ATP11B: variants seen among roughly 807,000 people sequenced by gnomAD.
The protein encoded by ATP11B is ATPase phospholipid transporting 11B (putative).
A neutral mutation model predicts 157.8 loss-of-function variants in ATP11B; 81 were observed. The ratio of observed to expected loss-of-function variants is 0.51; its 90% CI spans 0.43 to 0.62. ATP11B has a LOEUF of 0.62. ATP11B is among the 20% of genes least tolerant of loss of function. The pLI, the probability that ATP11B is intolerant of heterozygous loss-of-function variation, is 0.00. For missense variants in ATP11B, 1,165 were observed against 1,402.2 expected (o/e 0.83, Z 2.70); for synonymous variants, 451 against 469.4 (o/e 0.96, Z 0.51).
intron 7 of ATP11B, 98 bp from the exon 8 acceptor site, chr3:182,841,977 C>CAAAAAAA (rs11401208): frequency 5.8e-5 from 21 of 362,580 alleles, no homozygotes; most frequent in Admixed American, 2.2e-4. Flanking sequence ...AGACTCGTCT[C>CAAAAAAA]AAAAAAAAAA....
Position 182,848,572 on chromosome 3 carries a change from T to G in ATP11B, c.851+15T>G. On this transcript the variant is annotated intron_variant, in intron 10 of 29. Coordinates refer to ENST00000323116, the MANE Select transcript of ATP11B (RefSeq NM_014616.3). ...GCAGTAGAAAAGTAAGAAAACTGTT[T>G]TCATTTATTTATATGTAATTATAAC... 6.9e-7 allele frequency: 1 copy of G among 1,459,082 alleles called. No homozygotes were observed. The highest frequency in any genetic ancestry group is 9.3e-7 in the Non-Finnish European group (1 of 1,080,746). 90.4% of individuals were successfully genotyped at this position (1,459,082 alleles called of 1,614,324 possible). A position where few individuals can be genotyped will look rare whatever the true frequency, so the allele number is the denominator to read the frequency against.
rs752074928 is a variant in ATP11B at position 182,879,526 on chromosome 3, G to A, written c.2283G>A (p.Gly761=). 6.2e-6 allele frequency: 10 copies of A among 1,611,518 alleles called. No homozygotes were observed. In the East Asian group the frequency reaches 1.6e-4, roughly 25 times the overall value. The change falls in exon 20 of 30, where the codon GGG becomes GGA. Residue 761 remains glycine, a synonymous_variant. Coordinates refer to ENST00000323116, the MANE Select transcript of ATP11B (RefSeq NM_014616.3). ...CAGAGGATCATGTGATTCAGCATGGGCTGGTAGTGGATGGGACCAGCCTAT... is the reference window on the plus strand; with the variant it reads ...CAGAGGATCATGTGATTCAGCATGGACTGGTAGTGGATGGGACCAGCCTAT... ...RITEDHVIQH[G]LVVDGTSLSL...
intron 4 of ATP11B, chr3:182,829,971 C>T (rs1235504836): frequency 2.0e-6 from 2 of 984,202 alleles, no homozygotes; most frequent in Non-Finnish European, 2.4e-6. Context: ...TATGTAGTTC[C>T]CTTGACAGAG....
chr3:182,804,707 A>G (rs558737225), intron 1 of ATP11B, among the ~76,000 whole-genome samples: 147 of 152,284 alleles, frequency 9.7e-4, no homozygotes, highest in African/African-American at 3.4e-3. Context: ...GGTTAGTGTA[A>G]CCATCACCAC....
intron 25 of ATP11B, among the ~76,000 whole-genome samples, chr3:182,890,351 A>G (rs911817071): frequency 6.6e-6 from 1 of 152,224 alleles, no homozygotes; most frequent in Admixed American, 6.5e-5. Flanking sequence ...AGATACAGAC[A>G]TACAAATTTG....
At chr3:182,822,789 G>A (rs998302804) in intron 2 of ATP11B, among the ~76,000 whole-genome samples, 1 of 152,126 alleles carries the variant, frequency 6.6e-6, no homozygotes, top group Non-Finnish European at 1.5e-5. Context: ...GTTGTTTCCT[G>A]ACTTTTTAAT....
intron 29 of ATP11B, chr3:182,915,193 T>A: frequency 1.0e-6 from 1 of 985,446 alleles, no homozygotes; most frequent in East Asian, 1.1e-4. Context: ...ACTTTAGCTT[T>A]AGCTTAGCCA....
intron 17 of ATP11B, among the ~76,000 whole-genome samples, chr3:182,871,396 T>G (rs1401051294): frequency 6.6e-6 from 1 of 152,234 alleles, no homozygotes; most frequent in African/African-American, 2.4e-5. Context: ...ATATCAACTT[T>G]CAGAGATGAA....
intron 28 of ATP11B, among the ~76,000 whole-genome samples, chr3:182,907,067 T>G (rs1250618180): frequency 2.7e-5 from 4 of 149,186 alleles, no homozygotes; most frequent in African/African-American, 9.9e-5. Context: ...CACTCCAGCC[T>G]GAGCGACAGA....
chr3:182,860,020 C>G (rs1720715398), intron 12 of ATP11B, among the ~76,000 whole-genome samples: 1 of 149,328 alleles, frequency 6.7e-6, no homozygotes, highest in Non-Finnish European at 1.5e-5. Flanking sequence ...ATTCTTTACT[C>G]TTTCTGGGCT....
intron 28 of ATP11B, among the ~76,000 whole-genome samples, chr3:182,913,073 C>A (rs1266325471): frequency 6.6e-6 from 1 of 151,984 alleles, no homozygotes; most frequent in African/African-American, 2.4e-5. Context: ...GCTATTTATG[C>A]CTGAATCAAC....
At chr3:182,826,931 C>T (rs2108503397) in intron 2 of ATP11B, among the ~76,000 whole-genome samples, 1 of 152,258 alleles carries the variant, frequency 6.6e-6, no homozygotes, top group Admixed American at 6.5e-5. Context: ...CTTTGGAAAT[C>T]TTGAATTGGT....
chr3:182,806,583 C>G (rs1312544943), intron 1 of ATP11B, among the ~76,000 whole-genome samples: 1 of 152,080 alleles, frequency 6.6e-6, no homozygotes, highest in African/African-American at 2.4e-5. Context: ...TTTCTAGCTT[C>G]TAGTCCACCA....
chr3:182,811,603 C>T (rs187035726), intron 1 of ATP11B, among the ~76,000 whole-genome samples: 3 of 152,194 alleles, frequency 2.0e-5, no homozygotes, highest in Non-Finnish European at 1.5e-5. Context: ...TATAATAGAA[C>T]TAGTACATAC....
chr3:182,904,516 G>A (rs1375522775), intron 28 of ATP11B, among the ~76,000 whole-genome samples: 3 of 152,118 alleles, frequency 2.0e-5, no homozygotes, highest in Non-Finnish European at 4.4e-5. Flanking sequence ...AACTATTTAC[G>A]CCTGTGACAG....
chr3:182,892,060 C>T (rs1723210804), intron 25 of ATP11B, among the ~76,000 whole-genome samples: 1 of 152,164 alleles, frequency 6.6e-6, no homozygotes, highest in Non-Finnish European at 1.5e-5. Flanking sequence ...CCTACTCAAT[C>T]CCACCCGGTC....
intron 1 of ATP11B, among the ~76,000 whole-genome samples, chr3:182,815,383 A>G (rs181999262): frequency 3.9e-5 from 6 of 152,308 alleles, no homozygotes; most frequent in African/African-American, 1.4e-4. Context: ...CTGAATAGGT[A>G]TAATTTATTG....
chr3:182,884,935 G>A lies in ATP11B; in HGVS notation c.2655+37G>A, dbSNP rs938810399. On this transcript the variant is annotated intron_variant, in intron 22 of 29. Coordinates refer to ENST00000323116, the MANE Select transcript of ATP11B (RefSeq NM_014616.3). Reference sequence around the variant, plus strand: ...GTATTTAGAATCAATTATTGATATAGTAATATGAAGTTTCAATTTAAGGAA... The same window carrying A: ...GTATTTAGAATCAATTATTGATATAATAATATGAAGTTTCAATTTAAGGAA... 2.6e-6 allele frequency: 3 copies of A among 1,142,778 alleles called. No homozygotes were observed. The African/African-American group carries it at 4.8e-5, about 18-fold the overall frequency. 70.8% of individuals were successfully genotyped at this position (1,142,778 alleles called of 1,614,324 possible).
chr3:182,807,187 A>G (rs1213120503), intron 1 of ATP11B, among the ~76,000 whole-genome samples: 2 of 152,184 alleles, frequency 1.3e-5, no homozygotes, highest in Non-Finnish European at 2.9e-5. Context: ...GTAGTGTGGA[A>G]TAGAATTAGC....
Sources: allele counts gnomAD v4.1 joint callset (sites outside exome capture counted in the v4.1 genomes callset), GRCh38; gene constraint gnomAD v4.1.1; transcripts MANE v1.5; gene names NCBI Gene and HGNC (gene_info 2026-07-23, HGNC 2026-07-21).